The following DCUN1D4 variants were observed in gnomAD, a reference collection of about 807,000 sequenced individuals.
DCUN1D4 encodes the protein DCN1-like protein 4.
Under a neutral mutation model 47.9 loss-of-function variants are expected in DCUN1D4, and 22 were observed. The observed-to-expected ratio is 0.46, with a 90% CI of 0.33 to 0.66. The LOEUF is 0.66. DCUN1D4 is among the 30% of genes least tolerant of loss of function. The pLI is 0.02. For synonymous variants in DCUN1D4, 121 were observed against 112.2 expected (o/e 1.08, Z -0.50); for missense variants, 301 against 340.8 (o/e 0.88, Z 0.92).
chr4:51,843,435 G>A, intron 1 of DCUN1D4, 168 bp downstream of exon 1: 1 of 1,255,394 alleles, frequency 8.0e-7, no homozygotes, highest in Non-Finnish European at 1.0e-6. Flanking sequence ...TGACGCTGCG[G>A]GCGGCGTGGG....
chr4:51,850,520 T>G (rs1723214021), intron 1 of DCUN1D4, among the ~76,000 whole-genome samples: 1 of 152,216 alleles, frequency 6.6e-6, no homozygotes, highest in South Asian at 2.1e-4. Flanking sequence ...AGCTGCTCTG[T>G]GTGCGCTTCA....
At chr4:51,907,564 T>C (rs1042544344) in intron 8 of DCUN1D4, among the ~76,000 whole-genome samples, 1 of 152,220 alleles carries the variant, frequency 6.6e-6, no homozygotes, top group African/African-American at 2.4e-5. Context: ...GACTTCACCA[T>C]TTATGTTTGG....
rs572648508 is a variant in DCUN1D4, at chr4:51,844,800, C to G, written c.25+1533C>G. Reference sequence around the variant, plus strand: ...TCTGGGACTTGTAGTCGCGGCCGCGCCCGGCCGCGGTTGGGTTGGGTGCAC... The same window carrying G: ...TCTGGGACTTGTAGTCGCGGCCGCGGCCGGCCGCGGTTGGGTTGGGTGCAC... On this transcript the variant is annotated intron_variant, in intron 1 of 10. Transcript: ENST00000334635. The G allele has an allele frequency of 2.1e-3, 2,107 of 984,452 alleles. 16 individuals carry two copies. The African/African-American group carries it at 0.025, about 12-fold the overall frequency. The allele number at this position is 984,452 out of a possible 1,614,324, so 61.0% of individuals were successfully genotyped here.
Position 51,899,256 on chromosome 4 carries a change from T to G in DCUN1D4, c.507-14T>G. 6.3e-7 allele frequency: 1 copy of G among 1,583,486 alleles called. No homozygotes were observed. The highest frequency in any genetic ancestry group is 8.6e-7 in the Non-Finnish European group (1 of 1,169,508). ...GAACTCAGGTCATAATTTGCCTTTA[T>G]TCTGTTTTTCTAGATGTGATACAAC... is the stretch of plus-strand genomic sequence containing the variant. On this transcript the variant is annotated splice_polypyrimidine_tract_variant and intron_variant, in intron 7 of 10. Transcript: ENST00000334635.
chr4:51,869,123 C>CCAAAA (rs1726440825), intron 3 of DCUN1D4, among the ~76,000 whole-genome samples: 1 of 38,588 alleles, frequency 2.6e-5, no homozygotes, highest in Non-Finnish European at 5.0e-5. Context: ...GACTCCATCT[C>CCAAAA]AAAAAAAAAA....
chr4:51,873,374 C>T (rs945036492), intron 3 of DCUN1D4, among the ~76,000 whole-genome samples: 2 of 152,200 alleles, frequency 1.3e-5, no homozygotes, highest in Admixed American at 6.5e-5. Flanking sequence ...TTTGAGGGCA[C>T]TTGTACCAAG....
In DCUN1D4 at chr4:51,843,189, C is replaced by G. The variant is rs935178921; in HGVS notation, c.-54C>G. Reference sequence around the variant, plus strand: ...GAGGTGCAGTGAGCTGGTGGGGGGACCGCGAGGCGAGCGCGGGAGCCTGGG... The same window carrying G: ...GAGGTGCAGTGAGCTGGTGGGGGGAGCGCGAGGCGAGCGCGGGAGCCTGGG... On this transcript the variant is annotated 5_prime_UTR_variant, in exon 1 of 11. Coordinates refer to ENST00000334635, the MANE Select transcript of DCUN1D4 (RefSeq NM_001040402.3). The G allele has an allele frequency of 1.1e-4, 166 of 1,535,966 alleles. No homozygotes were observed. The highest frequency in any genetic ancestry group is 3.8e-5 in the Non-Finnish European group (43 of 1,141,916).
intron 6 of DCUN1D4, 26 bp downstream of exon 6, chr4:51,886,664 G>C (rs1729521078): frequency 6.3e-7 from 1 of 1,578,884 alleles, no homozygotes; most frequent in East Asian, 2.2e-5. Context: ...TGAGTTGGGT[G>C]AATCAGTTGG....
intron 3 of DCUN1D4, among the ~76,000 whole-genome samples, chr4:51,869,282 AAT>A (rs1363885377): frequency 6.6e-6 from 1 of 152,204 alleles, no homozygotes; most frequent in Non-Finnish European, 1.5e-5. Flanking sequence ...AAGAAAATGA[AAT>A]AAAAATATTA....
chr4:51,879,107 A>G (rs1459743879), intron 5 of DCUN1D4, among the ~76,000 whole-genome samples: 1 of 152,156 alleles, frequency 6.6e-6, no homozygotes, highest in African/African-American at 2.4e-5. Context: ...TTGGACTTTT[A>G]TGAGCTACCC....
intron 7 of DCUN1D4, 64 bp from the exon 8 acceptor site, chr4:51,899,206 G>C (rs1731731344): frequency 1.4e-6 from 2 of 1,476,274 alleles, no homozygotes; most frequent in Non-Finnish European, 1.8e-6. Context: ...TTATATTACT[G>C]CCTCTATTAA....
intron 9 of DCUN1D4, 50 bp downstream of exon 9, chr4:51,911,224 C>A: frequency 6.7e-7 from 1 of 1,498,236 alleles, no homozygotes; most frequent in Non-Finnish European, 9.2e-7. Flanking sequence ...TTGGAACTAC[C>A]AAATAACTTT....
intron 6 of DCUN1D4, chr4:51,886,955 G>C (rs1729585804): frequency 7.1e-6 from 3 of 419,856 alleles, no homozygotes; most frequent in Non-Finnish European, 9.1e-6. Flanking sequence ...ATTGTACGCT[G>C]TGTACCTTCG....
At chr4:51,909,666 G>T (rs1733411061) in intron 8 of DCUN1D4, among the ~76,000 whole-genome samples, 1 of 152,142 alleles carries the variant, frequency 6.6e-6, no homozygotes, top group Non-Finnish European at 1.5e-5. Flanking sequence ...TGGAAAGGAG[G>T]TCCCACCTGT....
chr4:51,895,748 G>T (rs1731172688), intron 7 of DCUN1D4, among the ~76,000 whole-genome samples: 1 of 152,078 alleles, frequency 6.6e-6, no homozygotes, highest in Admixed American at 6.6e-5. Flanking sequence ...AAATCTGTTA[G>T]AGCAGCAAAC....
chr4:51,869,123 C>CAAAAAA (rs531280197), intron 3 of DCUN1D4, among the ~76,000 whole-genome samples: 11 of 38,564 alleles, frequency 2.9e-4, no homozygotes, highest in Admixed American at 6.4e-4. Flanking sequence ...GACTCCATCT[C>CAAAAAA]AAAAAAAAAA....
chr4:51,887,052 C>A, intron 6 of DCUN1D4: 1 of 452,168 alleles, frequency 2.2e-6, no homozygotes, highest in Non-Finnish European at 4.4e-6. Flanking sequence ...TTGTAATCAT[C>A]AAGAATTTTT....
At chr4:51,908,553 G>A (rs986742910) in intron 8 of DCUN1D4, among the ~76,000 whole-genome samples, 1 of 152,006 alleles carries the variant, frequency 6.6e-6, no homozygotes, top group African/African-American at 2.4e-5. Context: ...TTCTTACAAA[G>A]AGCTTTTGGA....
rs1346494823 is a variant in DCUN1D4, at chr4:51,915,030, T to C, written c.*1446T>C. ...CAGCAAGATCCGTGATTTGAACATGTGATGACTGGAAAAAGGTTTGGGTTA... is the reference window on the plus strand; with the variant it reads ...CAGCAAGATCCGTGATTTGAACATGCGATGACTGGAAAAAGGTTTGGGTTA... On this transcript the variant is annotated 3_prime_UTR_variant, in exon 11 of 11. Coordinates refer to ENST00000334635, the MANE Select transcript of DCUN1D4 (RefSeq NM_001040402.3). The C allele has an allele frequency of 6.6e-6, 1 of 152,492 alleles. No individual in the cohort carries two copies. Among genetic ancestry groups the C allele is most frequent in the African/African-American group, 2.4e-5 (1 of 41,440 alleles). The allele number at this position is 152,492 out of a possible 1,614,324, so 9.4% of individuals were successfully genotyped here.
Sources: gnomAD v4.1 joint callset for allele counts (sites outside exome capture counted in the v4.1 genomes callset) on GRCh38, gnomAD v4.1.1 for gene constraint, MANE v1.5 for transcripts, NCBI Gene and HGNC (gene_info 2026-07-23, HGNC 2026-07-21) for gene names.